The following LRRC2 variants were observed in gnomAD, a reference collection of about 807,000 sequenced individuals.
LRRC2 encodes leucine-rich repeat-containing protein 2.
Under a neutral mutation model 40.2 loss-of-function variants are expected in LRRC2, and 27 were observed. That is an observed-to-expected ratio of 0.67 (90% CI 0.49 to 0.93). The LOEUF is 0.93. Ranked by LOEUF, LRRC2 falls within the 40% of genes least tolerant of loss-of-function variation. LRRC2 has a pLI of 0.00. For synonymous variants in LRRC2, 147 were observed against 158.9 expected, an observed-to-expected ratio of 0.92 and a Z score of 0.56; for missense variants, 402 against 439.6, an observed-to-expected ratio of 0.91 and a Z score of 0.76.
chr3:46,549,618 A>G (rs368322696), intron 2 of LRRC2, among the ~76,000 whole-genome samples: 4 of 152,182 alleles, frequency 2.6e-5, no homozygotes, highest in East Asian at 3.8e-4. Context: ...GCTCAATCCT[A>G]TGTACATGAG....
In LRRC2 at chr3:46,518,708, T is replaced by A. The variant is rs956127609; in HGVS notation, c.*306A>T. The A allele has an allele frequency of 7.4e-5, 18 of 242,096 alleles. No individual in the cohort carries two copies. Among genetic ancestry groups the A allele is most frequent in the African/African-American group, 2.7e-4 (12 of 44,540 alleles). The allele number at this position is 242,096 out of a possible 1,614,324, so 15.0% of individuals were successfully genotyped here. On this transcript the variant is annotated 3_prime_UTR_variant, in exon 9 of 9. Transcript: ENST00000395905. ...AAACAATGCACTTAACTTCAGTATT[T>A]GGTCTTTTAGTTATAATTCTTAAAA... is the stretch of plus-strand genomic sequence containing the variant.
In LRRC2 at chr3:46,516,971, C is replaced by A. The variant is rs141204167; in HGVS notation, c.*2043G>T. On this transcript the variant is annotated 3_prime_UTR_variant, in exon 9 of 9. Transcript: ENST00000395905. ...TCCTTTAGAATCGCAACTGGCCCCA[C>A]CTTGGAACGGTTTGGAGCACTCTCT... 2 of 152,340 alleles carry A rather than the reference C, an allele frequency of 1.3e-5. No individual in the cohort carries two copies. The highest frequency in any genetic ancestry group is 1.9e-4 in the East Asian group (1 of 5,182). The allele number at this position is 152,340 out of a possible 1,614,324, so 9.4% of individuals were successfully genotyped here.
chr3:46,544,739 C>T (rs1366694988), intron 3 of LRRC2, among the ~76,000 whole-genome samples: 2 of 152,186 alleles, frequency 1.3e-5, no homozygotes, highest in African/African-American at 4.8e-5. Context: ...ATGAAAGGCG[C>T]CGTCACTTAA....
At chr3:46,561,737 C>T (rs1039365448) in intron 1 of LRRC2, among the ~76,000 whole-genome samples, 1 of 152,194 alleles carries the variant, frequency 6.6e-6, no homozygotes, top group Non-Finnish European at 1.5e-5. Context: ...GATTCCATTG[C>T]TTGGTTGCTA....
chr3:46,559,573 A>T (rs1704890842), intron 1 of LRRC2: 1 of 152,240 alleles, frequency 6.6e-6, no homozygotes, highest in South Asian at 2.1e-4. Context: ...ACATTTTTAA[A>T]ATCATTGCTT....
At chr3:46,562,861 G>C (rs1704975856) in intron 1 of LRRC2, among the ~76,000 whole-genome samples, 1 of 151,974 alleles carries the variant, frequency 6.6e-6, no homozygotes, top group South Asian at 2.1e-4. Flanking sequence ...GAGTAGCTGG[G>C]ATTACAGGCA....
Position 46,516,558 on chromosome 3 carries a change from T to G in LRRC2, c.*2456A>C, listed in dbSNP as rs1042979093. ...TTCAGGAGTATGGTAGCCACATGTG[T>G]GTGGGGTCCCCTAGTTTTCCTCATT... On this transcript the variant is annotated 3_prime_UTR_variant, in exon 9 of 9. Transcript: ENST00000395905. 1 of 152,220 alleles carries G rather than the reference T, an allele frequency of 6.6e-6. No homozygotes were observed. The highest frequency in any genetic ancestry group is 1.5e-5 in the Non-Finnish European group (1 of 68,064). The allele number at this position is 152,220 out of a possible 1,614,324, so 9.4% of individuals were successfully genotyped here. A position where few individuals can be genotyped will look rare whatever the true frequency, so the allele number is the denominator to read the frequency against.
At chr3:46,525,274 A>G (rs1371667934) in intron 7 of LRRC2, among the ~76,000 whole-genome samples, 2 of 149,118 alleles carry the variant, frequency 1.3e-5, no homozygotes, top group Non-Finnish European at 3.0e-5. Context: ...TTTTTTAGAC[A>G]GGGTCTTGCT....
At position 46,530,300 on chromosome 3, in the gene LRRC2, C is replaced by G. The variant is rs542242309; in HGVS notation, c.628-250G>C. On this transcript the variant is annotated intron_variant, in intron 5 of 8. Coordinates refer to ENST00000395905, the MANE Select transcript of LRRC2 (RefSeq NM_024512.5). ...TATTGCTATAAATTATCAGTGCAAG[C>G]TGGGCGTGGTTGCTCATGCCTGTAA... 2.6e-5 allele frequency among the ~76,000 whole-genome samples: 4 copies of G among 152,256 alleles called. No individual in the cohort carries two copies. The South Asian group carries it at 8.3e-4, about 32-fold the overall frequency.
intron 2 of LRRC2, among the ~76,000 whole-genome samples, chr3:46,549,596 A>G (rs968504601): frequency 2.0e-5 from 3 of 152,202 alleles, no homozygotes; most frequent in Non-Finnish European, 4.4e-5. Context: ...AATGACACTG[A>G]GCCCAAGTCA....
intron 7 of LRRC2, among the ~76,000 whole-genome samples, chr3:46,526,394 C>G (rs1294990417): frequency 2.6e-5 from 4 of 152,176 alleles, no homozygotes; most frequent in Admixed American, 1.3e-4. Flanking sequence ...CTTCCAGGGG[C>G]TGGATGTGGA....
At chr3:46,531,016 T>C (rs1258764123) in intron 5 of LRRC2, among the ~76,000 whole-genome samples, 2 of 152,164 alleles carry the variant, frequency 1.3e-5, no homozygotes, top group African/African-American at 2.4e-5. Context: ...AAAGGGTCAA[T>C]AGCAGGAGCC....
chr3:46,560,452 T>C (rs1704909394), intron 1 of LRRC2, among the ~76,000 whole-genome samples: 1 of 152,228 alleles, frequency 6.6e-6, no homozygotes, highest in Admixed American at 6.5e-5. Flanking sequence ...TTTAGGACTA[T>C]AGAAATGTCA....
intron 1 of LRRC2, among the ~76,000 whole-genome samples, chr3:46,552,255 G>A (rs1280111200): frequency 4.0e-5 from 6 of 151,710 alleles, no homozygotes; most frequent in African/African-American, 1.2e-4. Flanking sequence ...CATAATCAAG[G>A]ATAAGTTAGA....
chr3:46,528,747 T>C (rs970764244), intron 6 of LRRC2, among the ~76,000 whole-genome samples: 9 of 152,186 alleles, frequency 5.9e-5, no homozygotes, highest in Non-Finnish European at 1.2e-4. Context: ...AAAAAAGTCA[T>C]ACAAGATGGC....
chr3:46,555,498 A>T (rs1165479271), intron 1 of LRRC2, among the ~76,000 whole-genome samples: 7 of 151,560 alleles, frequency 4.6e-5, no homozygotes, highest in Admixed American at 4.6e-4. Context: ...TCTATTATAT[A>T]TTTTACTATG....
intron 1 of LRRC2, among the ~76,000 whole-genome samples, chr3:46,562,860 G>A (rs1280822395): frequency 6.6e-6 from 1 of 151,884 alleles, no homozygotes; most frequent in Non-Finnish European, 1.5e-5. Flanking sequence ...TGAGTAGCTG[G>A]GATTACAGGC....
intron 1 of LRRC2, among the ~76,000 whole-genome samples, chr3:46,554,358 A>G (rs1704739254): frequency 1.4e-5 from 2 of 145,702 alleles, no homozygotes; most frequent in South Asian, 4.4e-4. Context: ...TGTTTTACCT[A>G]AAGGAGGCCA....
intron 1 of LRRC2, among the ~76,000 whole-genome samples, chr3:46,552,623 G>C (rs1331940681): frequency 6.6e-6 from 1 of 151,844 alleles, no homozygotes; most frequent in East Asian, 1.9e-4. Flanking sequence ...ACTCATTTCT[G>C]TTCTCCAGGG....
Sources: allele counts gnomAD v4.1 joint callset (sites outside exome capture counted in the v4.1 genomes callset), GRCh38; gene constraint gnomAD v4.1.1; transcripts MANE v1.5; gene names NCBI Gene and HGNC (gene_info 2026-07-23, HGNC 2026-07-21).